TMEM50A: variants seen among roughly 807,000 people sequenced by gnomAD.
TMEM50A encodes the protein cervical cancer oncogene 9.
In TMEM50A, 8 loss-of-function variants were observed where a neutral mutation model predicts 23.9. That is an observed-to-expected ratio of 0.33 (90% confidence interval 0.20 to 0.60). The LOEUF (loss-of-function observed/expected upper bound fraction) is 0.60. Among genes scored for constraint, TMEM50A ranks in the 20% least tolerant of loss-of-function variants. TMEM50A has a pLI of 0.81. For synonymous variants in TMEM50A, 55 were observed against 60.4 expected (o/e 0.91, Z 0.41); for missense variants, 178 against 192.7 (o/e 0.92, Z 0.45).
intron 6 of TMEM50A, among the ~76,000 whole-genome samples, chr1:25,357,528 AGTGTGTGTGTGTGT>A (rs58801158): frequency 1.6e-4 from 22 of 139,562 alleles, no homozygotes; most frequent in African/African-American, 3.8e-4. Flanking sequence ...CTGCATCAGG[AGTGTGTGTGTGTGT>A]GTGTGTGTGT....
chr1:25,343,328 A>AT (rs1230993259), intron 3 of TMEM50A, among the ~76,000 whole-genome samples: 2 of 152,092 alleles, frequency 1.3e-5, no homozygotes, highest in African/African-American at 4.8e-5. Context: ...ATAGCTTTAT[A>AT]TTTAAGTCCG....
intron 5 of TMEM50A, among the ~76,000 whole-genome samples, chr1:25,354,439 A>G (rs977105800): frequency 1.2e-4 from 18 of 152,098 alleles, no homozygotes; most frequent in African/African-American, 4.3e-4. Flanking sequence ...ATAGGGAGAC[A>G]CCATCTCTAC....
At chr1:25,346,923 G>A (rs1645224419) in intron 3 of TMEM50A, among the ~76,000 whole-genome samples, 2 of 152,078 alleles carry the variant, frequency 1.3e-5, no homozygotes, top group South Asian at 4.1e-4. Flanking sequence ...AGGAGGCTGA[G>A]GTGGGGAATC....
chr1:25,346,087 C>T (rs1386661259), intron 3 of TMEM50A, among the ~76,000 whole-genome samples: 1 of 152,028 alleles, frequency 6.6e-6, no homozygotes, highest in Non-Finnish European at 1.5e-5. Context: ...CACACCCGGC[C>T]GATATGTTTT....
intron 3 of TMEM50A, among the ~76,000 whole-genome samples, chr1:25,350,580 G>A (rs916267216): frequency 2.0e-5 from 3 of 152,068 alleles, no homozygotes; most frequent in African/African-American, 7.2e-5. Flanking sequence ...TAGAGACGGG[G>A]TTTCTCTGTG....
At chr1:25,348,600 G>A (rs1381230073) in intron 3 of TMEM50A, among the ~76,000 whole-genome samples, 2 of 151,382 alleles carry the variant, frequency 1.3e-5, no homozygotes, top group South Asian at 2.1e-4. Context: ...CAGGGGAATC[G>A]CTTGAACCCG....
intron 3 of TMEM50A, among the ~76,000 whole-genome samples, chr1:25,350,159 A>G (rs974802173): frequency 1.3e-5 from 2 of 152,218 alleles, no homozygotes; most frequent in African/African-American, 2.4e-5. Context: ...TTGAAATATA[A>G]TTATTTCTCC....
intron 4 of TMEM50A, among the ~76,000 whole-genome samples, chr1:25,352,323 G>A (rs374728881): frequency 5.9e-5 from 9 of 151,812 alleles, no homozygotes; most frequent in African/African-American, 1.5e-4. Context: ...GTGAAACCCC[G>A]TCTCTACTAA....
At chr1:25,344,483 G>A (rs1036475396) in intron 3 of TMEM50A, among the ~76,000 whole-genome samples, 4 of 151,652 alleles carry the variant, frequency 2.6e-5, no homozygotes, top group African/African-American at 4.8e-5. Flanking sequence ...TCATAAAATC[G>A]TTTAGTTTGC....
In TMEM50A at chr1:25,354,741, T is replaced by C. The variant is rs190042585; in HGVS notation, c.367+1767T>C. Among the ~76,000 whole-genome samples the C allele has an allele frequency of 3.9e-3, 587 of 152,328 alleles. 4 individuals carry two copies. Among genetic ancestry groups the C allele is most frequent in the Non-Finnish European group, 6.1e-3 (414 of 68,034 alleles). ...TCATAATTTTTATCCCCCGTTTGCA[T>C]TTCACATGATATTATAAGTTAGTTG... is the stretch of plus-strand genomic sequence containing the variant. On this transcript the variant is annotated intron_variant, in intron 5 of 6. Coordinates refer to ENST00000374358, the MANE Select transcript of TMEM50A (RefSeq NM_014313.4).
At chr1:25,342,223 T>C (rs3093584) in intron 2 of TMEM50A, among the ~76,000 whole-genome samples, 59,979 of 152,008 alleles carry the variant, frequency 0.39, 13,675 homozygotes, top group East Asian at 0.72. Context: ...GAGTCAGGGT[T>C]TGGTGTGGGG....
chr1:25,362,348 G>T lies in TMEM50A; in HGVS notation c.*1643G>T. On this transcript the variant is annotated 3_prime_UTR_variant, in exon 7 of 7. Coordinates refer to ENST00000374358, the MANE Select transcript of TMEM50A (RefSeq NM_014313.4). Reference sequence around the variant, plus strand: ...ACATTTATTTTAAACTTATTAAATTGACTCTTAAACTAAGTTTTTAGTCTT... The same window carrying T: ...ACATTTATTTTAAACTTATTAAATTTACTCTTAAACTAAGTTTTTAGTCTT... 1 of 1,354,860 alleles carries T rather than the reference G, an allele frequency of 7.4e-7. No homozygotes were observed. Among genetic ancestry groups the T allele is most frequent in the South Asian group, 1.3e-5 (1 of 76,012 alleles). 83.9% of individuals were successfully genotyped at this position (1,354,860 alleles called of 1,614,324 possible). A position where few individuals can be genotyped will look rare whatever the true frequency, so the allele number is the denominator to read the frequency against.
intron 3 of TMEM50A, 120 bp downstream of exon 3, chr1:25,343,193 T>G: frequency 1.4e-6 from 1 of 737,740 alleles, no homozygotes; most frequent in Non-Finnish European, 2.1e-6. Flanking sequence ...GGACATGATT[T>G]AAAAGTCACA....
intron 3 of TMEM50A, among the ~76,000 whole-genome samples, chr1:25,344,617 C>A (rs556974207): frequency 6.6e-6 from 1 of 151,714 alleles, no homozygotes; most frequent in South Asian, 2.1e-4. Flanking sequence ...TGGGCTCAAG[C>A]GATCCACCTG....
intron 6 of TMEM50A, among the ~76,000 whole-genome samples, chr1:25,359,954 C>T (rs1352097645): frequency 6.6e-6 from 1 of 152,160 alleles, no homozygotes; most frequent in Non-Finnish European, 1.5e-5. Flanking sequence ...CCCACACTTA[C>T]CACATCACGT....
chr1:25,345,057 C>A (rs1645199478), intron 3 of TMEM50A, among the ~76,000 whole-genome samples: 2 of 151,420 alleles, frequency 1.3e-5, no homozygotes, highest in African/African-American at 4.8e-5. Flanking sequence ...GCACTGTCAC[C>A]ATGGGACTTC....
chr1:25,352,786 AC>A, intron 4 of TMEM50A, 95 bp from the exon 5 acceptor site: 2 of 1,013,410 alleles, frequency 2.0e-6, no homozygotes, highest in Non-Finnish European at 2.9e-6. Flanking sequence ...TGGCAGTTGC[AC>A]TTTTTTTTTT....
At chr1:25,344,058 G>A (rs1409404791) in intron 3 of TMEM50A, among the ~76,000 whole-genome samples, 4 of 152,104 alleles carry the variant, frequency 2.6e-5, no homozygotes, top group African/African-American at 9.7e-5. Context: ...ACCAGCCTGG[G>A]CAACATGGTG....
In TMEM50A at chr1:25,360,805, T is replaced by G; in HGVS notation, c.*100T>G. On this transcript the variant is annotated 3_prime_UTR_variant, in exon 7 of 7. Coordinates refer to ENST00000374358, the MANE Select transcript of TMEM50A (RefSeq NM_014313.4). ...TGTAATGCCATTTTCTAAACTTATT[T>G]CTGAGTGTAGTCTCAGCTTAAAGTT... 1 of 1,322,764 alleles carries G rather than the reference T, an allele frequency of 7.6e-7. No homozygotes were observed. The highest frequency in any genetic ancestry group is 1.1e-6 in the Non-Finnish European group (1 of 932,878). 81.9% of individuals were successfully genotyped at this position (1,322,764 alleles called of 1,614,324 possible).
Sources: allele counts gnomAD v4.1 joint callset (sites outside exome capture counted in the v4.1 genomes callset), GRCh38; gene constraint gnomAD v4.1.1; transcripts MANE v1.5; gene names NCBI Gene and HGNC (gene_info 2026-07-23, HGNC 2026-07-21).